XYLT1: variants seen among roughly 807,000 people sequenced by gnomAD.
The protein encoded by XYLT1 is beta-D-xylosyltransferase 1.
XYLT1 carries 36 observed loss-of-function variants against 91.3 expected under a neutral mutation model. That is an observed-to-expected ratio of 0.39 (90% CI 0.30 to 0.52). XYLT1 has a LOEUF of 0.52. Ranked by LOEUF, XYLT1 falls within the 20% of genes least tolerant of loss-of-function variation. The pLI, the probability that XYLT1 is intolerant of heterozygous loss-of-function variation, is 0.68. For synonymous variants in XYLT1, 588 were observed against 532.0 expected, an observed-to-expected ratio of 1.11 and a Z score of -1.45; for missense variants, 1,242 against 1,284.5, an observed-to-expected ratio of 0.97 and a Z score of 0.51.
chr16:17,192,862 G>C (rs1184773377), intron 5 of XYLT1: 1 of 148,510 alleles, frequency 6.7e-6, no homozygotes, highest in Non-Finnish European at 1.5e-5. Flanking sequence ...ACCCAGGCTG[G>C]AGCGCGGTGG....
chr16:17,186,013 A>G (rs540545601), intron 5 of XYLT1, among the ~76,000 whole-genome samples: 2 of 152,288 alleles, frequency 1.3e-5, no homozygotes, highest in South Asian at 2.1e-4. Context: ...TCTCAAATAT[A>G]TATATACACA....
At chr16:17,307,908 G>A (rs2034490912) in intron 2 of XYLT1, among the ~76,000 whole-genome samples, 1 of 152,120 alleles carries the variant, frequency 6.6e-6, no homozygotes. Context: ...GTCTGCAGAG[G>A]GACTGATGCC....
chr16:17,226,236 T>C (rs1188686830), intron 3 of XYLT1, among the ~76,000 whole-genome samples: 2 of 152,222 alleles, frequency 1.3e-5, no homozygotes, highest in Non-Finnish European at 2.9e-5. Flanking sequence ...GTGCAGCTTG[T>C]GACTCTGAGC....
intron 11 of XYLT1, 72 bp from the exon 12 acceptor site, chr16:17,109,089 G>A: frequency 7.0e-7 from 1 of 1,420,194 alleles, no homozygotes; most frequent in African/African-American, 1.4e-5. Context: ...CTTACCCTGT[G>A]CCTGGTGCTG....
chr16:17,329,386 A>G (rs947259495), intron 2 of XYLT1, among the ~76,000 whole-genome samples: 1 of 152,248 alleles, frequency 6.6e-6, no homozygotes, highest in African/African-American at 2.4e-5. Flanking sequence ...GTAAACATCA[A>G]TTGGAAAACA....
At chr16:17,253,257 T>C (rs1400578556) in intron 3 of XYLT1, among the ~76,000 whole-genome samples, 4 of 152,230 alleles carry the variant, frequency 2.6e-5, no homozygotes, top group African/African-American at 9.6e-5. Context: ...AGTAAATTTA[T>C]TGCAAATGGG....
At chr16:17,137,838 A>C (rs189840950) in intron 8 of XYLT1, among the ~76,000 whole-genome samples, 198 of 152,344 alleles carry the variant, frequency 1.3e-3, no homozygotes, top group Non-Finnish European at 2.3e-3. Flanking sequence ...GATATCACTG[A>C]TGAGGGTTTC....
At chr16:17,361,123 C>G (rs1403409854) in intron 1 of XYLT1, among the ~76,000 whole-genome samples, 1 of 152,158 alleles carries the variant, frequency 6.6e-6, no homozygotes, top group Non-Finnish European at 1.5e-5. Context: ...GCCCATTTGA[C>G]TGCTTTGCCC....
intron 2 of XYLT1, among the ~76,000 whole-genome samples, chr16:17,323,986 A>T (rs1005647482): frequency 1.3e-5 from 2 of 152,154 alleles, no homozygotes; most frequent in African/African-American, 4.8e-5. Context: ...TATGAAACAG[A>T]CTTGTTCTCA....
At chr16:17,342,919 G>A (rs1336192346) in intron 2 of XYLT1, among the ~76,000 whole-genome samples, 3 of 152,132 alleles carry the variant, frequency 2.0e-5, no homozygotes, top group East Asian at 1.9e-4. Context: ...TGATAATTGC[G>A]ATGATGAAAA....
chr16:17,368,317 G>C (rs893039851), intron 1 of XYLT1, among the ~76,000 whole-genome samples: 2 of 152,172 alleles, frequency 1.3e-5, no homozygotes, highest in African/African-American at 4.8e-5. Context: ...GATGGAGTCA[G>C]AAAGCTTCAG....
intron 3 of XYLT1, among the ~76,000 whole-genome samples, chr16:17,225,173 A>ACTCTCT (rs761445257): frequency 4.5e-4 from 45 of 100,762 alleles, no homozygotes; most frequent in African/African-American, 1.2e-3. Context: ...ACACACACAC[A>ACTCTCT]CACACTCTCT....
intron 1 of XYLT1, among the ~76,000 whole-genome samples, chr16:17,463,890 G>A (rs1288285824): frequency 1.3e-5 from 2 of 152,206 alleles, no homozygotes; most frequent in Non-Finnish European, 2.9e-5. Context: ...CACACACAGT[G>A]GAATATTAGC....
intron 10 of XYLT1, among the ~76,000 whole-genome samples, chr16:17,119,540 C>T (rs2029974272): frequency 6.6e-6 from 1 of 152,182 alleles, no homozygotes; most frequent in Non-Finnish European, 1.5e-5. Flanking sequence ...GCTGATCTAG[C>T]TTCTCATTGT....
rs2036981245 is a variant in XYLT1 at position 17,470,802 on chromosome 16, G to C, written c.-6C>G. On this transcript the variant is annotated 5_prime_UTR_variant, in exon 1 of 12. Transcript: ENST00000261381. ...GCGCACGGCGCCGCCACCATCTTCG[G>C]AGCGCGGCCGGCGAGCGAGGCGCGG... is the stretch of plus-strand genomic sequence containing the variant. 2 of 996,328 alleles carry C rather than the reference G, an allele frequency of 2.0e-6. No homozygotes were observed. Among genetic ancestry groups the C allele is most frequent in the African/African-American group, 1.8e-5 (1 of 56,398 alleles). The allele number at this position is 996,328 out of a possible 1,614,324, so 61.7% of individuals were successfully genotyped here. A position where few individuals can be genotyped will look rare whatever the true frequency, so the allele number is the denominator to read the frequency against.
intron 1 of XYLT1, among the ~76,000 whole-genome samples, chr16:17,464,708 C>CATT (rs758111919): frequency 2.0e-5 from 3 of 151,850 alleles, no homozygotes; most frequent in South Asian, 4.2e-4. Context: ...GCCATGCAGT[C>CATT]ATTATTATTA....
chr16:17,399,043 T>A (rs1476221638), intron 1 of XYLT1, among the ~76,000 whole-genome samples: 1 of 151,840 alleles, frequency 6.6e-6, no homozygotes, highest in Non-Finnish European at 1.5e-5. Flanking sequence ...AGGACACCAG[T>A]CATATTAGCT....
chr16:17,335,324 C>T (rs922885691), intron 2 of XYLT1, among the ~76,000 whole-genome samples: 3 of 152,016 alleles, frequency 2.0e-5, no homozygotes, highest in African/African-American at 4.8e-5. Flanking sequence ...GTGAGAAAAC[C>T]GAGATCAGAA....
Position 17,107,022 on chromosome 16 carries a change from A to T in XYLT1, c.*1673T>A, listed in dbSNP as rs1394241275. On this transcript the variant is annotated 3_prime_UTR_variant, in exon 12 of 12. Transcript: ENST00000261381. Reference sequence around the variant, plus strand: ...ATGGGAAAAGGGGCCTTTTGTGAATAAAGGCAGCTTCAGTTAGTAAGGTAA... The same window carrying T: ...ATGGGAAAAGGGGCCTTTTGTGAATTAAGGCAGCTTCAGTTAGTAAGGTAA... 1 of 152,200 alleles carries T rather than the reference A, an allele frequency of 6.6e-6. No homozygotes were observed. The highest frequency in any genetic ancestry group is 1.9e-4 in the East Asian group (1 of 5,182). 9.4% of individuals were successfully genotyped at this position (152,200 alleles called of 1,614,324 possible).
Sources: allele counts gnomAD v4.1 joint callset (sites outside exome capture counted in the v4.1 genomes callset), GRCh38; gene constraint gnomAD v4.1.1; transcripts MANE v1.5; gene names NCBI Gene and HGNC (gene_info 2026-07-23, HGNC 2026-07-21).